KLHL32: variants seen among roughly 807,000 people sequenced by gnomAD.
KLHL32 encodes the protein kelch-like protein 32.
In KLHL32, 35 loss-of-function variants were observed where a neutral mutation model predicts 64.8. The ratio of observed to expected loss-of-function variants is 0.54; its 90% CI spans 0.41 to 0.72. KLHL32 has a LOEUF of 0.72. Among genes scored for constraint, KLHL32 ranks in the 30% least tolerant of loss-of-function variants. KLHL32 has a pLI of 0.00. For missense variants in KLHL32, 589 were observed against 768.5 expected (o/e 0.77, Z 2.76); for synonymous variants, 259 against 281.0 (o/e 0.92, Z 0.78).
intron 3 of KLHL32, among the ~76,000 whole-genome samples, chr6:97,006,589 T>C (rs1422552464): frequency 6.6e-6 from 1 of 152,132 alleles, no homozygotes; most frequent in African/African-American, 2.4e-5. Flanking sequence ...GATTGTGTAG[T>C]TGCTCTATAT....
the KLHL32 span, among the ~76,000 whole-genome samples, chr6:96,917,646 C>G: frequency 6.6e-6 from 1 of 152,152 alleles, no homozygotes; most frequent in Non-Finnish European, 1.5e-5. Flanking sequence ...TGGGCCTCCT[C>G]TGGTATTCAG....
chr6:96,967,100 A>G lies in KLHL32; in HGVS notation c.23+17A>G, dbSNP rs148156204. 2.2e-4 allele frequency: 349 copies of G among 1,612,276 alleles called. No homozygotes were observed. In the Middle Eastern group the frequency reaches 3.8e-3, roughly 17 times the overall value. Reference sequence around the variant, plus strand: ...CTGCCTCAGGTATGCCCTGTAGGATATGTCCTCACATGCCGTAGTGAGCCC... The same window carrying G: ...CTGCCTCAGGTATGCCCTGTAGGATGTGTCCTCACATGCCGTAGTGAGCCC... On this transcript the variant is annotated intron_variant, in intron 2 of 10. Transcript: ENST00000369261.
intron 3 of KLHL32, among the ~76,000 whole-genome samples, chr6:96,980,612 C>T (rs973621593): frequency 3.3e-5 from 5 of 152,020 alleles, no homozygotes; most frequent in Non-Finnish European, 2.9e-5. Context: ...GGATACTGGC[C>T]TGAATTTTCT....
intron 7 of KLHL32, among the ~76,000 whole-genome samples, chr6:97,124,265 T>C (rs1183507706): frequency 6.6e-6 from 1 of 152,238 alleles, no homozygotes; most frequent in Non-Finnish European, 1.5e-5. Context: ...TTTAACATTC[T>C]AGAGGGAATC....
At chr6:97,101,008 A>G (rs1431848705) in intron 6 of KLHL32, among the ~76,000 whole-genome samples, 2 of 111,190 alleles carry the variant, frequency 1.8e-5, no homozygotes, top group Non-Finnish European at 3.5e-5. Context: ...GGGCCTCCCT[A>G]TGTTGCCCAG....
chr6:96,925,682 A>G (rs1330952956), intron 1 of KLHL32, among the ~76,000 whole-genome samples: 1 of 152,224 alleles, frequency 6.6e-6, no homozygotes, highest in Non-Finnish European at 1.5e-5. Flanking sequence ...ATGAGCTTCT[A>G]TTGTAAATTG....
intron 1 of KLHL32, among the ~76,000 whole-genome samples, chr6:96,942,815 T>A (rs1219743923): frequency 3.3e-5 from 5 of 152,082 alleles, no homozygotes; most frequent in Non-Finnish European, 1.5e-5. Flanking sequence ...CCTTTCTACC[T>A]CCATCTCTAG....
chr6:96,958,616 G>A (rs1399689500), intron 1 of KLHL32, among the ~76,000 whole-genome samples: 1 of 152,152 alleles, frequency 6.6e-6, no homozygotes, highest in Admixed American at 6.5e-5. Flanking sequence ...CTTTAAGTAG[G>A]GCAGTGAGAC....
At chr6:96,975,883 CAT>C (rs1178102567) in intron 2 of KLHL32, 112 bp from the exon 3 acceptor site, 13 of 667,446 alleles carry the variant, frequency 1.9e-5, no homozygotes, top group Non-Finnish European at 2.9e-5. Flanking sequence ...TGGTCACACT[CAT>C]AGAGTGCACT....
At position 96,982,658 on chromosome 6, in the gene KLHL32, C is replaced by A. The variant is rs56707226; in HGVS notation, c.204+6481C>A. The stretch of plus-strand genomic sequence containing the variant: ...TTTGAAGCAATTGTGAATGGGAGTT[C>A]ACTCATGATTTGGTTCTCTGTTTGT... On this transcript the variant is annotated intron_variant, in intron 3 of 10. Coordinates refer to ENST00000369261, the MANE Select transcript of KLHL32 (RefSeq NM_052904.4). Among the ~76,000 whole-genome samples, 127 of 152,288 alleles carry A rather than the reference C, an allele frequency of 8.3e-4. 5 individuals carry two copies. The East Asian group carries it at 0.018, about 22-fold the overall frequency.
At chr6:97,105,304 C>G (rs1796256273) in intron 6 of KLHL32, 4 of 384,358 alleles carry the variant, frequency 1.0e-5, no homozygotes. Context: ...ATCATCCATT[C>G]TATTAAAACA....
At chr6:97,086,067 A>G (rs139044246) in intron 6 of KLHL32, among the ~76,000 whole-genome samples, 1,895 of 152,266 alleles carry the variant, frequency 0.012, 49 homozygotes, top group African/African-American at 0.044. Context: ...TTCCTCCTCC[A>G]TATTACAGCC....
chr6:96,954,982 C>T (rs781708516), intron 1 of KLHL32, among the ~76,000 whole-genome samples: 1 of 152,200 alleles, frequency 6.6e-6, no homozygotes, highest in Non-Finnish European at 1.5e-5. Context: ...GATCAAGATG[C>T]TGCCAGATTC....
chr6:96,991,306 C>A (rs1176356677), intron 3 of KLHL32, among the ~76,000 whole-genome samples: 2 of 152,116 alleles, frequency 1.3e-5, no homozygotes, highest in Admixed American at 6.5e-5. Flanking sequence ...GCAATTCCAG[C>A]TGAAGGGTCC....
intron 3 of KLHL32, among the ~76,000 whole-genome samples, chr6:96,991,863 C>A (rs1312794022): frequency 6.6e-6 from 1 of 151,956 alleles, no homozygotes; most frequent in Admixed American, 6.6e-5. Context: ...GTAGCAGGGG[C>A]GGGGGACGGC....
At chr6:97,053,516 A>G (rs1357863740) in intron 4 of KLHL32, among the ~76,000 whole-genome samples, 5 of 152,160 alleles carry the variant, frequency 3.3e-5, no homozygotes. Flanking sequence ...CCAAATTTTT[A>G]TAAAATTATT....
chr6:97,133,884 G>A (rs1025389710), intron 10 of KLHL32, among the ~76,000 whole-genome samples: 9 of 152,034 alleles, frequency 5.9e-5, no homozygotes, highest in African/African-American at 2.2e-4. Context: ...TAGCATACAT[G>A]GAACATTTAC....
At chr6:97,131,304 T>C (rs888792366) in intron 9 of KLHL32, among the ~76,000 whole-genome samples, 1 of 152,212 alleles carries the variant, frequency 6.6e-6, no homozygotes, top group Non-Finnish European at 1.5e-5. Flanking sequence ...ATTTATTGTT[T>C]ACTTCTCACT....
At chr6:97,045,700 G>A (rs1212320187) in intron 4 of KLHL32, among the ~76,000 whole-genome samples, 3 of 152,170 alleles carry the variant, frequency 2.0e-5, no homozygotes, top group South Asian at 4.1e-4. Context: ...CCTTCAGAAT[G>A]GCTAAGTTGA....
Sources: gnomAD v4.1 joint callset for allele counts (sites outside exome capture counted in the v4.1 genomes callset) on GRCh38, gnomAD v4.1.1 for gene constraint, MANE v1.5 for transcripts, NCBI Gene and HGNC (gene_info 2026-07-23, HGNC 2026-07-21) for gene names.